Variants in ACTR1B observed in about 807,000 individuals in gnomAD.
ACTR1B encodes beta-centractin.
A neutral mutation model predicts 49.4 loss-of-function variants in ACTR1B; 34 were observed. The ratio of observed to expected loss-of-function variants is 0.69; its 90% CI spans 0.52 to 0.92. ACTR1B has a LOEUF of 0.92. Among genes scored for constraint, ACTR1B ranks in the 40% least tolerant of loss-of-function variants. ACTR1B has a pLI of 0.00. For synonymous variants in ACTR1B, 207 were observed against 207.8 expected, an observed-to-expected ratio of 1.00 and a Z score of 0.03; for missense variants, 471 against 522.4, an observed-to-expected ratio of 0.90 and a Z score of 0.96.
chr2:97,658,547 G>A lies in ACTR1B; in HGVS notation c.537C>T (p.Ser179=). ...PIYEGFAMPH[S]IMRVDIAGRD... is the part of the protein sequence containing the mutation. ...GGCCGGCAATGTCCACCCGCATGATGGAGTGAGGCATGGCAAAGCCCTCAT... is the reference window on the plus strand; with the variant it reads ...GGCCGGCAATGTCCACCCGCATGATAGAGTGAGGCATGGCAAAGCCCTCAT... Residue 179 remains serine, a synonymous_variant, in exon 6 of 11, where the codon TCC becomes TCT. Coordinates refer to ENST00000289228, the MANE Select transcript of ACTR1B (RefSeq NM_005735.4). The surrounding 1 kb of genome is among the most constrained non-coding windows in gnomAD (Gnocchi z 5.9). 1.2e-6 allele frequency: 2 copies of A among 1,614,124 alleles called. No individual in the cohort carries two copies. Among genetic ancestry groups the A allele is most frequent in the Non-Finnish European group, 1.7e-6 (2 of 1,180,036 alleles).
Position 97,659,040 on chromosome 2 carries a change from G to T in ACTR1B, c.316-37C>A. 1 of 1,613,300 alleles carries T rather than the reference G, an allele frequency of 6.2e-7. No individual in the cohort carries two copies. Among genetic ancestry groups the T allele is most frequent in the African/African-American group, 1.3e-5 (1 of 75,040 alleles). ...GGGACAGTTGTAGGCATCAGAGGAG[G>T]CAACTTGCAAGGCCCTAAAAGGCTC... On this transcript the variant is annotated intron_variant, in intron 4 of 10. Coordinates refer to ENST00000289228, the MANE Select transcript of ACTR1B (RefSeq NM_005735.4). This position sits in a 1 kb window ranked among gnomAD's most constrained non-coding sequence, Gnocchi z 4.0.
At position 97,658,919 on chromosome 2, in the gene ACTR1B, C is replaced by T. The variant is rs1395987498; in HGVS notation, c.400G>A (p.Val134Met). 6 of 1,613,986 alleles carry T rather than the reference C, an allele frequency of 3.7e-6. No homozygotes were observed. Among genetic ancestry groups the T allele is most frequent in the Admixed American group, 1.7e-5 (1 of 60,004 alleles). Residue 134 changes from valine to methionine, a missense_variant, in exon 5 of 11, where the codon GTG becomes ATG. Val to Met is a conservative substitution (Grantham distance 21, BLOSUM62 1). Coordinates refer to ENST00000289228, the MANE Select transcript of ACTR1B (RefSeq NM_005735.4). This position sits in a 1 kb window ranked among gnomAD's most constrained non-coding sequence, Gnocchi z 5.9. ...AAEVFFETFN[V>M]PALFISMQAV... The stretch of plus-strand genomic sequence containing the variant: ...TGCATGGAGATGAACAGGGCCGGCA[C>T]GTTGAAGGTCTCAAAGAACACCTCT...
In ACTR1B at chr2:97,659,566, ACCAGAACCTCACCTGCCCTG is replaced by A; in HGVS notation, c.190-109_190-90del. On this transcript the variant is annotated intron_variant, in intron 3 of 10. Transcript: ENST00000289228. This position sits in a 1 kb window ranked among gnomAD's most constrained non-coding sequence, Gnocchi z 4.0. ...TGGAAGCTGACCCTCACCTGCCCTG[ACCAGAACCTCACCTGCCCTG>A]ACCAGAACCACCCCTGCTCACTGGG... 1 of 342,686 alleles carries A rather than the reference ACCAGAACCTCACCTGCCCTG, an allele frequency of 2.9e-6. No individual in the cohort carries two copies. Among genetic ancestry groups the A allele is most frequent in the South Asian group, 1.8e-5 (1 of 54,424 alleles). 21.2% of individuals were successfully genotyped at this position (342,686 alleles called of 1,614,324 possible).
chr2:97,659,000 G>T lies in ACTR1B; in HGVS notation c.319C>A (p.Pro107Thr). 6.2e-7 allele frequency: 1 copy of T among 1,614,138 alleles called. No individual in the cohort carries two copies. Among genetic ancestry groups the T allele is most frequent in the Non-Finnish European group, 8.5e-7 (1 of 1,180,026 alleles). Reference protein sequence around the residue: ...DQLQTFSEEHPVLLTEAPLNP... With the variant: ...DQLQTFSEEHTVLLTEAPLNP... ...AGCGGGGCCTCCGTGAGGAGCACAG[G>T]ATGCTGCGAGGGACGGGACAGTTGT... Residue 107 changes from proline (P) to threonine (T), a missense_variant, in exon 5 of 11, where the codon CCT becomes ACT. Physicochemically the swap from Pro to Thr is conservative, Grantham distance 38. Coordinates refer to ENST00000289228, the MANE Select transcript of ACTR1B (RefSeq NM_005735.4). The surrounding 1 kb of genome is among the most constrained non-coding windows in gnomAD (Gnocchi z 5.9).
chr2:97,657,106 G>A, intron 10 of ACTR1B, 46 bp downstream of exon 10: 1 of 1,602,900 alleles, frequency 6.2e-7, no homozygotes, highest in Non-Finnish European at 8.5e-7. Flanking sequence ...GAGCATCCAG[G>A]GTAAAGTGGT....
At position 97,656,931 on chromosome 2, in the gene ACTR1B, A is replaced by G. The variant is rs1674858680; in HGVS notation, c.1058T>C (p.Phe353Ser). ...CTTTTTGGACACCCACATCTTCTTA[A>G]AAGTGTCCAGCGAGGCCAGGATGGA... ...GGSILASLDT[F>S]KKMWVSKKEY... is the part of the protein sequence containing the mutation. The change falls in exon 11 of 11, where the codon TTT becomes TCT. Residue 353 changes from phenylalanine to serine, a missense_variant. Coordinates refer to ENST00000289228, the MANE Select transcript of ACTR1B (RefSeq NM_005735.4). 1.3e-6 allele frequency: 2 copies of G among 1,595,750 alleles called. No individual in the cohort carries two copies. Among genetic ancestry groups the G allele is most frequent in the South Asian group, 1.1e-5 (1 of 88,030 alleles).
In ACTR1B at chr2:97,663,910, T is replaced by C. The variant is rs764530787; in HGVS notation, c.-20A>G. 10 of 999,676 alleles carry C rather than the reference T, an allele frequency of 1.0e-5. No homozygotes were observed. In the South Asian group the frequency reaches 1.9e-4, roughly 19 times the overall value. The allele number at this position is 999,676 out of a possible 1,614,324, so 61.9% of individuals were successfully genotyped here. A position where few individuals can be genotyped will look rare whatever the true frequency, so the allele number is the denominator to read the frequency against. ...CTCCATGGCCGGGCCGCGCCGGCCC[T>C]GCCCAGCAGGCGGGCTGCAGGAGGC... On this transcript the variant is annotated 5_prime_UTR_variant, in exon 1 of 11. Coordinates refer to ENST00000289228, the MANE Select transcript of ACTR1B (RefSeq NM_005735.4).
At position 97,658,767 on chromosome 2, in the gene ACTR1B, A is replaced by C. The variant is rs1674929026; in HGVS notation, c.440+112T>G. 6.3e-7 allele frequency: 1 copy of C among 1,587,004 alleles called. No individual in the cohort carries two copies. The highest frequency in any genetic ancestry group is 1.7e-5 in the Admixed American group (1 of 59,754). ...AGAGAGGACACGAGGGACTCCCTAG[A>C]GGAACAGTCATCAAGGGGCTGTTTT... On this transcript the variant is annotated intron_variant, in intron 5 of 10. Coordinates refer to ENST00000289228, the MANE Select transcript of ACTR1B (RefSeq NM_005735.4). The surrounding 1 kb of genome is among the most constrained non-coding windows in gnomAD (Gnocchi z 5.9).
rs1440338346 is a variant in ACTR1B at position 97,656,897 on chromosome 2, T to C, written c.1092A>G (p.Glu364=). The C allele has an allele frequency of 6.3e-7, 1 of 1,594,234 alleles. No individual in the cohort carries two copies. Among genetic ancestry groups the C allele is most frequent in the Non-Finnish European group, 8.5e-7 (1 of 1,170,300 alleles). ...KKMWVSKKEY[E]EDGSRAIHRK... ...GATGAATAGCACGGGAGCCATCCTC[T>C]TCATACTCCTTTTTGGACACCCACA... Residue 364 remains glutamate, a synonymous_variant, in exon 11 of 11, where the codon GAA becomes GAG. Coordinates refer to ENST00000289228, the MANE Select transcript of ACTR1B (RefSeq NM_005735.4).
intron 1 of ACTR1B, 57 bp downstream of exon 1, chr2:97,663,786 G>A: frequency 4.1e-6 from 5 of 1,223,794 alleles, no homozygotes; most frequent in South Asian, 3.7e-5. Flanking sequence ...TCCCTGCGCC[G>A]CCGCGTGCGC....
In ACTR1B at chr2:97,659,456, T is replaced by C. The variant is rs770079974; in HGVS notation, c.211A>G (p.Ile71Val). 1 of 1,613,688 alleles carries C rather than the reference T, an allele frequency of 6.2e-7. No individual in the cohort carries two copies. The highest frequency in any genetic ancestry group is 8.5e-7 in the Non-Finnish European group (1 of 1,179,966). Residue 71 changes from isoleucine (I) to valine (V), a missense_variant, in exon 4 of 11, where the codon ATC becomes GTC. Ile to Val is a conservative substitution (Grantham distance 29, BLOSUM62 3). Coordinates refer to ENST00000289228, the MANE Select transcript of ACTR1B (RefSeq NM_005735.4). This position sits in a 1 kb window ranked among gnomAD's most constrained non-coding sequence, Gnocchi z 4.0. ...ACGCCGTGCTCCATGGGGTAGCGGA[T>C]GGTCAGCAGCCCCCGGTGCTCCTGG... ...KAEEHRGLLTIRYPMEHGVVR... is the reference protein window; with the variant it reads ...KAEEHRGLLTVRYPMEHGVVR...
chr2:97,663,045 C>T (rs142182139), intron 1 of ACTR1B, among the ~76,000 whole-genome samples: 30 of 152,290 alleles, frequency 2.0e-4, no homozygotes, highest in Non-Finnish European at 3.5e-4. Context: ...GCACACCGGA[C>T]GCACATACCC....
chr2:97,662,000 TC>T (rs1675021886), intron 1 of ACTR1B, 54 bp from the exon 2 acceptor site: 2 of 1,533,646 alleles, frequency 1.3e-6, no homozygotes, highest in Admixed American at 1.9e-5. Context: ...ATGAAGCCAG[TC>T]CCCCGCAATG....
chr2:97,662,300 A>G (rs554040526), intron 1 of ACTR1B, among the ~76,000 whole-genome samples: 2 of 152,196 alleles, frequency 1.3e-5, no homozygotes, highest in South Asian at 2.1e-4. Flanking sequence ...AGAGATAGAG[A>G]AACCACGAAG....
In ACTR1B at chr2:97,659,526, T is replaced by C. The variant is rs756871192; in HGVS notation, c.190-49A>G. 7 of 1,605,912 alleles carry C rather than the reference T, an allele frequency of 4.4e-6. No homozygotes were observed. The highest frequency in any genetic ancestry group is 5.1e-6 in the Non-Finnish European group (6 of 1,178,808). On this transcript the variant is annotated intron_variant, in intron 3 of 10. Coordinates refer to ENST00000289228, the MANE Select transcript of ACTR1B (RefSeq NM_005735.4). This position sits in a 1 kb window ranked among gnomAD's most constrained non-coding sequence, Gnocchi z 4.0. ...TGGCACCCGGCCCTTGCTCAGCGGC[T>C]GCTTTCCGCCCTCCTGGAAGCTGAC... is the stretch of plus-strand genomic sequence containing the variant.
At position 97,656,972 on chromosome 2, in the gene ACTR1B, G is replaced by A. The variant is rs767289773; in HGVS notation, c.1029-12C>T. 2 of 1,588,750 alleles carry A rather than the reference G, an allele frequency of 1.3e-6. No individual in the cohort carries two copies. Among genetic ancestry groups the A allele is most frequent in the South Asian group, 1.1e-5 (1 of 87,810 alleles). ...CCAGGATGGAGCCGCTGTGGGGATG[G>A]AGGGATAGTATTGCTGTGGACCTGT... On this transcript the variant is annotated splice_polypyrimidine_tract_variant and intron_variant, in intron 10 of 10. Coordinates refer to ENST00000289228, the MANE Select transcript of ACTR1B (RefSeq NM_005735.4).
rs1674923180 is a variant in ACTR1B, at chr2:97,658,597, C to T, written c.487G>A (p.Gly163Arg). 5.0e-6 allele frequency: 8 copies of T among 1,614,080 alleles called. No individual in the cohort carries two copies. Among genetic ancestry groups the T allele is most frequent in the Non-Finnish European group, 5.9e-6 (7 of 1,180,012 alleles). Residue 163 changes from glycine (G) to arginine (R), a missense_variant, in exon 6 of 11, where the codon GGG (glycine) becomes AGG (arginine). Gly to Arg is a moderately radical substitution (Grantham distance 125). Transcript: ENST00000289228. This position sits in a 1 kb window ranked among gnomAD's most constrained non-coding sequence, Gnocchi z 5.9. ...TAGATGGGCACAGCATGAGTGACCC[C>T]GTCCCCTGAGTCTAGAACCACTCCT... Reference protein sequence around the residue: ...TTGVVLDSGDGVTHAVPIYEG... With the variant: ...TTGVVLDSGDRVTHAVPIYEG...
Position 97,660,618 on chromosome 2 carries a change from T to A in ACTR1B, c.142A>T (p.Met48Leu), listed in dbSNP as rs779201184. Reference sequence around the variant, plus strand: ...AGGTCCCCCTCCAGGGCTCCAGCCATCACCCGCATGTGCTTCGGCCGCCCG... The same window carrying A: ...AGGTCCCCCTCCAGGGCTCCAGCCAACACCCGCATGTGCTTCGGCCGCCCG... ...YVGRPKHMRVMAGALEGDLFI... is the reference protein window; with the variant it reads ...YVGRPKHMRVLAGALEGDLFI... Residue 48 changes from methionine to leucine, a missense_variant, in exon 3 of 11, where the codon ATG (methionine) becomes TTG (leucine). By Grantham distance (15) the Met-to-Leu change is conservative (BLOSUM62 2). Transcript: ENST00000289228. 7 of 1,613,964 alleles carry A rather than the reference T, an allele frequency of 4.3e-6. No individual in the cohort carries two copies. The highest frequency in any genetic ancestry group is 5.9e-6 in the Non-Finnish European group (7 of 1,180,028).
At chr2:97,660,429 G>C in intron 3 of ACTR1B, 142 bp downstream of exon 3, 2 of 753,068 alleles carry the variant, frequency 2.7e-6, no homozygotes, top group East Asian at 2.5e-5. Context: ...CCATCTCAGG[G>C]GGAGGTGCCC....
Sources: gnomAD v4.1 joint callset for allele counts (sites outside exome capture counted in the v4.1 genomes callset) on GRCh38, gnomAD v4.1.1 for gene constraint, Gnocchi (gnomAD v3.1) non-coding constraint, MANE v1.5 for transcripts, NCBI Gene and HGNC (gene_info 2026-07-23, HGNC 2026-07-21) for gene names.